DCDC1: variants seen among roughly 807,000 people sequenced by gnomAD.
The protein encoded by DCDC1 is doublecortin domain-containing protein 1.
DCDC1 carries 200 observed loss-of-function variants against 178.3 expected under a neutral mutation model. That is an observed-to-expected ratio of 1.12 (90% CI 1.00 to 1.26). The LOEUF is 1.26. Among genes scored for constraint, DCDC1 ranks in the 50% most tolerant of loss-of-function variants. The probability of loss-of-function intolerance (pLI) is 0.00; values close to 1 mark genes in which losing one functional copy is unlikely to be tolerated. For synonymous variants in DCDC1, 690 were observed against 604.8 expected (o/e 1.14, Z -2.07); for missense variants, 1,983 against 1,749.2 (o/e 1.13, Z -2.38).
chr11:31,071,594 G>A (rs928618239), intron 18 of DCDC1, among the ~76,000 whole-genome samples: 3 of 152,048 alleles, frequency 2.0e-5, no homozygotes, highest in African/African-American at 7.2e-5. Flanking sequence ...CATTTTTGTC[G>A]TTGTTATATT....
At chr11:31,003,444 A>G (rs1255125708) in intron 20 of DCDC1, among the ~76,000 whole-genome samples, 2 of 152,196 alleles carry the variant, frequency 1.3e-5, no homozygotes, top group Non-Finnish European at 2.9e-5. Flanking sequence ...AAACAAACAC[A>G]GTGTGATGAG....
intron 37 of DCDC1, 127 bp downstream of exon 37, chr11:30,881,031 T>G: frequency 2.9e-6 from 3 of 1,050,754 alleles, no homozygotes; most frequent in Non-Finnish European, 4.0e-6. Flanking sequence ...TTCCATAACA[T>G]GGAGTAGAAA....
intron 20 of DCDC1, among the ~76,000 whole-genome samples, chr11:31,008,946 C>A (rs1197895159): frequency 6.6e-6 from 1 of 152,116 alleles, no homozygotes; most frequent in Non-Finnish European, 1.5e-5. Flanking sequence ...ACAATTAACA[C>A]ATGAGCACTC....
At chr11:31,265,085 AGTTTG>A in intron 8 of DCDC1, among the ~76,000 whole-genome samples, 1 of 152,126 alleles carries the variant, frequency 6.6e-6, no homozygotes, top group Non-Finnish European at 1.5e-5. Context: ...AACTACATTT[AGTTTG>A]GTATGTTTGT....
In DCDC1 at chr11:31,356,815, G is replaced by A. The variant is rs1309997728; in HGVS notation, c.-125+12882C>T. On this transcript the variant is annotated intron_variant, in intron 1 of 38. Transcript: ENST00000684477. ...CAGAGAATACTACAAACACCTCTAC[G>A]CAAATAAACTAGAAAATCTAGAAGA... Among the ~76,000 whole-genome samples, 20 of 150,868 alleles carry A rather than the reference G, an allele frequency of 1.3e-4. 1 individual carries two copies. The highest frequency in any genetic ancestry group is 2.2e-4 in the Non-Finnish European group (15 of 67,342).
intron 20 of DCDC1, among the ~76,000 whole-genome samples, chr11:31,011,304 A>G (rs1952153607): frequency 6.6e-6 from 1 of 152,240 alleles, no homozygotes; most frequent in African/African-American, 2.4e-5. Context: ...AAATATTCAT[A>G]AATCTTACTA....
chr11:30,954,008 T>C (rs2134502562), intron 20 of DCDC1, among the ~76,000 whole-genome samples: 1 of 125,938 alleles, frequency 7.9e-6, no homozygotes, highest in Admixed American at 7.7e-5. Flanking sequence ...AACAATTCTT[T>C]TTTTTTTTTT....
intron 20 of DCDC1, among the ~76,000 whole-genome samples, chr11:30,986,336 CTTT>C (rs1165693386): frequency 2.1e-5 from 3 of 139,930 alleles, no homozygotes; most frequent in Non-Finnish European, 1.5e-5. Flanking sequence ...TTCTCTCTCT[CTTT>C]TTTTTTTTTT....
At chr11:30,995,379 G>C (rs1951204979) in intron 20 of DCDC1, among the ~76,000 whole-genome samples, 1 of 152,006 alleles carries the variant, frequency 6.6e-6, no homozygotes, top group African/African-American at 2.4e-5. Context: ...AAAAATCCCA[G>C]CAAACTCTTT....
rs1341557585 is a variant in DCDC1, at chr11:31,280,888, G to A, written c.960+9759C>T. The A allele has an allele frequency of 3.0e-5, 19 of 640,962 alleles. No homozygotes were observed. The East Asian group carries it at 6.4e-4, about 22-fold the overall frequency. 39.7% of individuals were successfully genotyped at this position (640,962 alleles called of 1,614,324 possible). On this transcript the variant is annotated intron_variant, in intron 7 of 38. Transcript: ENST00000684477. The stretch of plus-strand genomic sequence containing the variant: ...CTGTCTTCTGCCCGAAGAGACCATG[G>A]AGATTAGGCCCAGTCTTGTGCTTGC...
At chr11:31,308,208 C>A (rs1308936430) in intron 3 of DCDC1, among the ~76,000 whole-genome samples, 10 of 152,184 alleles carry the variant, frequency 6.6e-5, no homozygotes, top group Admixed American at 5.9e-4. Flanking sequence ...ACATTCATAA[C>A]CATTAAGCTT....
intron 3 of DCDC1, among the ~76,000 whole-genome samples, chr11:31,310,307 G>GTT (rs775279241): frequency 1.6e-5 from 1 of 63,916 alleles, no homozygotes; most frequent in African/African-American, 1.1e-4. Context: ...AGTAATTCTT[G>GTT]ATTTTTTTTT....
At chr11:31,080,713 C>T (rs569783142) in intron 17 of DCDC1, among the ~76,000 whole-genome samples, 10 of 152,062 alleles carry the variant, frequency 6.6e-5, no homozygotes, top group Non-Finnish European at 1.3e-4. Context: ...TGCTGTAATG[C>T]TTTGATAGAA....
intron 20 of DCDC1, among the ~76,000 whole-genome samples, chr11:30,989,997 T>C (rs1950883338): frequency 6.6e-6 from 1 of 152,038 alleles, no homozygotes; most frequent in Non-Finnish European, 1.5e-5. Context: ...ACACTTAGAC[T>C]GGAAAGGTGA....
At chr11:31,130,291 C>A (rs1234085889) in intron 10 of DCDC1, among the ~76,000 whole-genome samples, 1 of 152,124 alleles carries the variant, frequency 6.6e-6, no homozygotes, top group Non-Finnish European at 1.5e-5. Flanking sequence ...ACTAATAATT[C>A]TATTAGTATT....
chr11:30,909,223 C>T (rs1945278787), intron 28 of DCDC1, 107 bp from the exon 29 acceptor site: 1 of 906,386 alleles, frequency 1.1e-6, no homozygotes, highest in South Asian at 3.4e-5. Flanking sequence ...CTCATAATCC[C>T]ACCACACAGT....
At chr11:31,225,669 G>A (rs1217868678) in intron 9 of DCDC1, among the ~76,000 whole-genome samples, 2 of 148,502 alleles carry the variant, frequency 1.3e-5, no homozygotes, top group East Asian at 1.9e-4. Flanking sequence ...TACCTCTAGA[G>A]AGGAAGCACA....
intron 9 of DCDC1, among the ~76,000 whole-genome samples, chr11:31,213,100 C>CTCTCTCTCT (rs1972851664): frequency 4.5e-5 from 2 of 44,242 alleles, no homozygotes; most frequent in African/African-American, 8.5e-5. Flanking sequence ...TAAAGCCCAG[C>CTCTCTCTCT]CTCTCTCTCT....
intron 9 of DCDC1, among the ~76,000 whole-genome samples, chr11:31,219,417 G>C (rs1973995756): frequency 6.6e-6 from 1 of 152,066 alleles, no homozygotes; most frequent in African/African-American, 2.4e-5. Flanking sequence ...GTCCTGCCCA[G>C]GTCTGCTGAA....
Sources: gnomAD v4.1 joint callset for allele counts (sites outside exome capture counted in the v4.1 genomes callset) on GRCh38, gnomAD v4.1.1 for gene constraint, MANE v1.5 for transcripts, NCBI Gene and HGNC (gene_info 2026-07-23, HGNC 2026-07-21) for gene names.